The following CFAP99 variants were observed in gnomAD, a reference collection of about 807,000 sequenced individuals.
The protein encoded by CFAP99 is cilia- and flagella-associated protein 99.
Under a neutral mutation model 82.7 loss-of-function variants are expected in CFAP99, and 84 were observed. The observed-to-expected ratio is 1.02, with a 90% confidence interval of 0.85 to 1.22. CFAP99 has a LOEUF of 1.22. Among genes scored for constraint, CFAP99 ranks in the 50% most tolerant of loss-of-function variants. The pLI is 0.00. For synonymous variants in CFAP99, 456 were observed against 429.5 expected (o/e 1.06, Z -0.76); for missense variants, 1,059 against 983.5 (o/e 1.08, Z -1.03).
Position 2,462,861 on chromosome 4 carries a change from A to C in CFAP99, c.2080A>C (p.Arg694=). 7.2e-7 allele frequency: 1 copy of C among 1,391,442 alleles called. No homozygotes were observed. Among genetic ancestry groups the C allele is most frequent in the Non-Finnish European group, 9.3e-7 (1 of 1,072,310 alleles). The allele number at this position is 1,391,442 out of a possible 1,614,324, so 86.2% of individuals were successfully genotyped here. A position where few individuals can be genotyped will look rare whatever the true frequency, so the allele number is the denominator to read the frequency against. ...GGAGCTGGAGCGGAGCCGCGAGCGC[A>C]GGCTGCAGGCGCTGCAGCAGGGAGG... The change falls in exon 15 of 15, where the codon AGG becomes CGG. Residue 694 remains arginine (R), a synonymous_variant. Transcript: ENST00000635017. The surrounding 1 kb of genome is among the most constrained non-coding windows in gnomAD (Gnocchi z 4.1).
intron 3 of CFAP99, 91 bp from the exon 4 acceptor site, chr4:2,437,979 C>G: frequency 1.4e-6 from 1 of 731,260 alleles, no homozygotes. Context: ...GCTGCGTGCC[C>G]TGACACGGTG....
chr4:2,447,954 T>C (rs1322258905), intron 6 of CFAP99, among the ~76,000 whole-genome samples: 2 of 150,814 alleles, frequency 1.3e-5, no homozygotes, highest in East Asian at 3.9e-4. Flanking sequence ...GATGGATGGA[T>C]GGATGGATGG....
At position 2,462,591 on chromosome 4, in the gene CFAP99, C is replaced by A. The variant is rs1734651133; in HGVS notation, c.1810C>A (p.Arg604Ser). Residue 604 changes from arginine (R) to serine (S), a missense_variant, in exon 15 of 15, where the codon CGC becomes AGC. Coordinates refer to ENST00000635017, the Ensembl canonical transcript of CFAP99. The surrounding 1 kb of genome is among the most constrained non-coding windows in gnomAD (Gnocchi z 4.1). ...GCACGTGTCGGCGCCGCGGACCGCG[C>A]GCCCCAAGCCCCGGGTGAGTCCGGA... is the stretch of plus-strand genomic sequence containing the variant. The A allele has an allele frequency of 2.8e-6, 4 of 1,423,500 alleles. No homozygotes were observed. The highest frequency in any genetic ancestry group is 1.4e-5 in the South Asian group (1 of 70,144). 88.2% of individuals were successfully genotyped at this position (1,423,500 alleles called of 1,614,324 possible).
intron 6 of CFAP99, among the ~76,000 whole-genome samples, chr4:2,449,348 C>T (rs1048234107): frequency 1.1e-4 from 16 of 152,126 alleles, no homozygotes; most frequent in African/African-American, 3.6e-4. Flanking sequence ...GCCTCCCCCT[C>T]TTGCTCCTAC....
At chr4:2,440,737 C>T (rs905008682) in intron 4 of CFAP99, among the ~76,000 whole-genome samples, 48 of 151,750 alleles carry the variant, frequency 3.2e-4, no homozygotes, top group Admixed American at 1.3e-3. Flanking sequence ...GGACTACAGG[C>T]GCCCGCCACC....
intron 12 of CFAP99, 23 bp downstream of exon 12, chr4:2,458,887 T>C (rs1449253038): frequency 1.3e-6 from 2 of 1,529,076 alleles, no homozygotes; most frequent in Non-Finnish European, 1.7e-6. Flanking sequence ...CAGATGTCAC[T>C]GGCCCTACCC....
At position 2,462,462 on chromosome 4, in the gene CFAP99, C is replaced by G; in HGVS notation, c.1681C>G (p.Leu561Val). The G allele has an allele frequency of 6.8e-7, 1 of 1,465,734 alleles. No individual in the cohort carries two copies. The highest frequency in any genetic ancestry group is 8.9e-7 in the Non-Finnish European group (1 of 1,118,914). The allele number at this position is 1,465,734 out of a possible 1,614,324, so 90.8% of individuals were successfully genotyped here. A position where few individuals can be genotyped will look rare whatever the true frequency, so the allele number is the denominator to read the frequency against. The change falls in exon 15 of 15, where the codon CTT (leucine) becomes GTT (valine). Residue 561 changes from leucine (L) to valine (V), a missense_variant. Physicochemically the swap from Leu to Val is conservative, Grantham distance 32. Coordinates refer to ENST00000635017, the Ensembl canonical transcript of CFAP99. This position sits in a 1 kb window ranked among gnomAD's most constrained non-coding sequence, Gnocchi z 4.1. ...CGCCAGGTGGGAGGAAAAGAAGGCC[C>G]TTGCGGCGGCCCCGGCGGCGCCCTC...
intron 2 of CFAP99, chr4:2,427,950 G>C (rs2108711127): frequency 6.6e-6 from 1 of 152,432 alleles, no homozygotes; most frequent in East Asian, 1.9e-4. Flanking sequence ...CAGCCAGCAG[G>C]GGCTGGAGAG....
chr4:2,441,107 G>A (rs1018198402), intron 4 of CFAP99, among the ~76,000 whole-genome samples: 23 of 150,710 alleles, frequency 1.5e-4, no homozygotes, highest in Non-Finnish European at 2.4e-4. Flanking sequence ...TGTTGAGGCC[G>A]GGCACAATAA....
chr4:2,441,636 G>A (rs1734043154), intron 4 of CFAP99, among the ~76,000 whole-genome samples: 1 of 152,230 alleles, frequency 6.6e-6, no homozygotes. Flanking sequence ...GCAGATCCAT[G>A]TGAATTGCCC....
intron 2 of CFAP99, among the ~76,000 whole-genome samples, chr4:2,434,748 A>G (rs539140617): frequency 1.3e-5 from 2 of 152,348 alleles, no homozygotes; most frequent in South Asian, 4.1e-4. Flanking sequence ...CAGTTCTCCC[A>G]TAAGTGTATA....
In CFAP99 at chr4:2,462,157, A is replaced by T; in HGVS notation, c.1662-286A>T. The T allele has an allele frequency of 3.9e-6, 1 of 254,548 alleles. No individual in the cohort carries two copies. Among genetic ancestry groups the T allele is most frequent in the East Asian group, 7.7e-5 (1 of 13,060 alleles). 15.8% of individuals were successfully genotyped at this position (254,548 alleles called of 1,614,324 possible). ...GGGCGACAGAGTGAGACCCTGCCTC[A>T]AACAAACAAACAAACAACAACAACA... is the stretch of plus-strand genomic sequence containing the variant. On this transcript the variant is annotated intron_variant, in intron 14 of 14. Transcript: ENST00000635017. This position sits in a 1 kb window ranked among gnomAD's most constrained non-coding sequence, Gnocchi z 4.1.
chr4:2,442,938 TGG>T (rs1734080009), intron 4 of CFAP99, among the ~76,000 whole-genome samples, 190 bp from the exon 5 acceptor site: 3 of 46,472 alleles, frequency 6.5e-5, no homozygotes. Flanking sequence ...CTGGGGGCCT[TGG>T]GGGGAGCCAC....
intron 11 of CFAP99, among the ~76,000 whole-genome samples, chr4:2,453,713 A>G (rs1444214579): frequency 2.6e-5 from 3 of 114,958 alleles, no homozygotes; most frequent in African/African-American, 9.7e-5. Flanking sequence ...TCCATTTTCT[A>G]TTGCACTTTT....
At chr4:2,428,561 A>AC (rs1174682811) in intron 2 of CFAP99, 1 of 147,014 alleles carries the variant, frequency 6.8e-6, no homozygotes. Flanking sequence ...AGTCTGGGTC[A>AC]CCCCGCACCC....
At chr4:2,451,111 G>A (rs1477412781) in intron 9 of CFAP99, 93 bp downstream of exon 9, 1 of 1,454,310 alleles carries the variant, frequency 6.9e-7, no homozygotes, top group African/African-American at 1.4e-5. Context: ...GACCTGAGCT[G>A]GGGGACCTAG....
At chr4:2,459,357 G>A (rs1177284412) in intron 13 of CFAP99, 99 bp downstream of exon 13, 2 of 1,361,888 alleles carry the variant, frequency 1.5e-6, no homozygotes, top group Non-Finnish European at 1.9e-6. Flanking sequence ...GCCACAGGTG[G>A]GTCTTGCACC....
intron 4 of CFAP99, among the ~76,000 whole-genome samples, chr4:2,439,444 G>A (rs995633773): frequency 4.6e-5 from 7 of 152,158 alleles, no homozygotes; most frequent in Non-Finnish European, 1.0e-4. Flanking sequence ...GCTCTTCAGG[G>A]GGTGTTCCAA....
At chr4:2,453,816 A>AT (rs34930865) in intron 11 of CFAP99, among the ~76,000 whole-genome samples, 129 of 132,506 alleles carry the variant, frequency 9.7e-4, no homozygotes, top group African/African-American at 8.9e-4. Flanking sequence ...ATATAACATG[A>AT]TTTTTTTTTT....
Sources: gnomAD v4.1 joint callset for allele counts (sites outside exome capture counted in the v4.1 genomes callset) on GRCh38, gnomAD v4.1.1 for gene constraint, Gnocchi (gnomAD v3.1) non-coding constraint, MANE v1.5 for transcripts, NCBI Gene and HGNC (gene_info 2026-07-23, HGNC 2026-07-21) for gene names.